The following ADGRG7 variants were observed in gnomAD, a reference collection of about 807,000 sequenced individuals.
ADGRG7 encodes the protein G-protein coupled receptor 128.
Under a neutral mutation model 88.6 loss-of-function variants are expected in ADGRG7, and 82 were observed. That is an observed-to-expected ratio of 0.93 (90% confidence interval 0.77 to 1.11). The LOEUF is 1.11. ADGRG7 is among the 50% of genes most tolerant of loss of function. The pLI is 0.00. For missense variants in ADGRG7, 945 were observed against 953.4 expected (o/e 0.99, Z 0.12); for synonymous variants, 381 against 345.2 (o/e 1.10, Z -1.15).
intron 14 of ADGRG7, among the ~76,000 whole-genome samples, chr3:100,666,880 G>GTT (rs1479254486): frequency 6.6e-6 from 1 of 152,290 alleles, no homozygotes; most frequent in East Asian, 1.9e-4. Context: ...TCAAGCATCT[G>GTT]TTTAACAAAG....
intron 10 of ADGRG7, among the ~76,000 whole-genome samples, chr3:100,647,396 T>C (rs1188817865): frequency 6.6e-6 from 1 of 152,222 alleles, no homozygotes; most frequent in Non-Finnish European, 1.5e-5. Context: ...ACAGGTTCAA[T>C]ATTTACTTAG....
intron 14 of ADGRG7, among the ~76,000 whole-genome samples, chr3:100,666,668 C>T (rs891378672): frequency 2.0e-5 from 3 of 152,176 alleles, no homozygotes; most frequent in Admixed American, 1.3e-4. Flanking sequence ...TTATACTAAT[C>T]CTCCTCAGCA....
At chr3:100,659,596 C>G (rs1245789450) in intron 13 of ADGRG7, 92 bp from the exon 14 acceptor site, 3 of 1,069,650 alleles carry the variant, frequency 2.8e-6, no homozygotes, top group Non-Finnish European at 4.0e-6. Flanking sequence ...GCAGATCTTT[C>G]AGTTGAGTGA....
rs192820347 is a variant in ADGRG7 at position 100,691,255 on chromosome 3, C to T, written c.2137-3489C>T. Among the ~76,000 whole-genome samples the T allele has an allele frequency of 8.5e-5, 13 of 152,270 alleles. No homozygotes were observed. In the East Asian group the frequency reaches 1.7e-3, roughly 20 times the overall value. ...GGGAGTGACCCGATTTTCCAGGTGC[C>T]GTCTGTCACCCCTTTCTTTGACTAG... is the stretch of plus-strand genomic sequence containing the variant. On this transcript the variant is annotated intron_variant, in intron 15 of 15. Transcript: ENST00000273352.
At position 100,665,080 on chromosome 3, in the gene ADGRG7, C is replaced by T. The variant is rs1344930885; in HGVS notation, c.1980-3869C>T. ...GGAAAAATCCAAGTTTCTCACATAA[C>T]CATTCTTCAGTCAGTTCTTCCGTAT... On this transcript the variant is annotated intron_variant, in intron 14 of 15. Coordinates refer to ENST00000273352, the MANE Select transcript of ADGRG7 (RefSeq NM_032787.3). 23 of 499,918 alleles carry T rather than the reference C, an allele frequency of 4.6e-5. No homozygotes were observed. In the East Asian group the frequency reaches 1.2e-3, roughly 27 times the overall value. The allele number at this position is 499,918 out of a possible 1,614,324, so 31.0% of individuals were successfully genotyped here.
intron 1 of ADGRG7, among the ~76,000 whole-genome samples, chr3:100,622,896 T>A (rs1486727651): frequency 6.6e-6 from 1 of 151,508 alleles, no homozygotes; most frequent in Non-Finnish European, 1.5e-5. Flanking sequence ...ACTACAGGCA[T>A]GCGTCACCAT....
At chr3:100,638,506 G>A (rs1181869580) in intron 6 of ADGRG7, among the ~76,000 whole-genome samples, 1 of 152,110 alleles carries the variant, frequency 6.6e-6, no homozygotes, top group East Asian at 1.9e-4. Flanking sequence ...GGGGGAGTAG[G>A]GCAGGCTGTA....
At chr3:100,682,460 G>T (rs1407424492) in intron 15 of ADGRG7, among the ~76,000 whole-genome samples, 1 of 152,212 alleles carries the variant, frequency 6.6e-6, no homozygotes, top group Non-Finnish European at 1.5e-5. Flanking sequence ...AAGTTCCTGC[G>T]CCTGGGGAAC....
At chr3:100,676,849 T>C (rs2094966081) in intron 15 of ADGRG7, among the ~76,000 whole-genome samples, 1 of 152,088 alleles carries the variant, frequency 6.6e-6, no homozygotes, top group Non-Finnish European at 1.5e-5. Context: ...TTTATCATTG[T>C]ATAGTGACCT....
Position 100,613,716 on chromosome 3 carries a change from T to C in ADGRG7, c.115+3745T>C, listed in dbSNP as rs1476550828. ...CTAAGGGGCTAGAATCTTGGCTTAGTGGATTATTCCTGGATTTCAAGGTAT... is the reference window on the plus strand; with the variant it reads ...CTAAGGGGCTAGAATCTTGGCTTAGCGGATTATTCCTGGATTTCAAGGTAT... On this transcript the variant is annotated intron_variant, in intron 1 of 15. Coordinates refer to ENST00000273352, the MANE Select transcript of ADGRG7 (RefSeq NM_032787.3). Among the ~76,000 whole-genome samples, 5 of 152,200 alleles carry C rather than the reference T, an allele frequency of 3.3e-5. No homozygotes were observed. In the East Asian group the frequency reaches 7.7e-4, roughly 23 times the overall value.
chr3:100,624,132 T>C (rs1008856541), intron 1 of ADGRG7, among the ~76,000 whole-genome samples: 1 of 152,184 alleles, frequency 6.6e-6, no homozygotes, highest in African/African-American at 2.4e-5. Context: ...CCAGAATGGT[T>C]GAACTAATTT....
intron 6 of ADGRG7, among the ~76,000 whole-genome samples, chr3:100,638,222 A>G (rs1707579010): frequency 6.6e-6 from 1 of 152,216 alleles, no homozygotes. Flanking sequence ...ATTCTTGTCC[A>G]GTGCCCAAGA....
At chr3:100,641,485 A>C (rs947277502) in intron 6 of ADGRG7, among the ~76,000 whole-genome samples, 2 of 152,234 alleles carry the variant, frequency 1.3e-5, no homozygotes, top group Non-Finnish European at 2.9e-5. Flanking sequence ...GAGGCAATTA[A>C]TCTGTAACAT....
chr3:100,624,044 G>A (rs1376892815), intron 1 of ADGRG7, among the ~76,000 whole-genome samples: 2 of 151,332 alleles, frequency 1.3e-5, no homozygotes, highest in Non-Finnish European at 3.0e-5. Context: ...GGAATGATGA[G>A]TATATACCCA....
chr3:100,685,776 G>A (rs1250034114), intron 15 of ADGRG7, among the ~76,000 whole-genome samples: 1 of 152,154 alleles, frequency 6.6e-6, no homozygotes, highest in Non-Finnish European at 1.5e-5. Flanking sequence ...GTCTATCATT[G>A]TTGGACATTT....
chr3:100,611,274 TCCTTCCTTCCTTC>T (rs1426500774), intron 1 of ADGRG7, among the ~76,000 whole-genome samples: 1 of 141,424 alleles, frequency 7.1e-6, no homozygotes, highest in African/African-American at 2.6e-5. Flanking sequence ...CTTCCTTCCT[TCCTTCCTTCCTTC>T]CTTCCTTCCT....
At chr3:100,668,234 T>C (rs1042923984) in intron 14 of ADGRG7, among the ~76,000 whole-genome samples, 2 of 152,216 alleles carry the variant, frequency 1.3e-5, no homozygotes, top group Non-Finnish European at 2.9e-5. Flanking sequence ...TATTTGGCCA[T>C]CTTGAATCCT....
intron 1 of ADGRG7, 115 bp downstream of exon 1, chr3:100,610,086 A>G: frequency 1.3e-6 from 1 of 761,102 alleles, no homozygotes; most frequent in Non-Finnish European, 2.2e-6. Context: ...GCATTCCACC[A>G]AGGTGCCATT....
rs549567410 is a variant in ADGRG7 at position 100,659,910 on chromosome 3, C to T, written c.1979+67C>T. Reference sequence around the variant, plus strand: ...TCCAGCACTTAACGCAGCACCATAACACATCCACAGTTTCAGAAGCTTTCA... The same window carrying T: ...TCCAGCACTTAACGCAGCACCATAATACATCCACAGTTTCAGAAGCTTTCA... On this transcript the variant is annotated intron_variant, in intron 14 of 15. Transcript: ENST00000273352. 5.1e-4 allele frequency: 737 copies of T among 1,443,154 alleles called. 1 individual carries two copies. The highest frequency in any genetic ancestry group is 6.6e-4 in the Non-Finnish European group (695 of 1,047,460). The allele number at this position is 1,443,154 out of a possible 1,614,324, so 89.4% of individuals were successfully genotyped here. A position where few individuals can be genotyped will look rare whatever the true frequency, so the allele number is the denominator to read the frequency against.
Sources: gnomAD v4.1 joint callset for allele counts (sites outside exome capture counted in the v4.1 genomes callset) on GRCh38, gnomAD v4.1.1 for gene constraint, MANE v1.5 for transcripts, NCBI Gene and HGNC (gene_info 2026-07-23, HGNC 2026-07-21) for gene names.